PDE10A: variants seen among roughly 807,000 people sequenced by gnomAD.
PDE10A encodes phosphodiesterase 10A, also known as cAMP and cAMP-inhibited cGMP 3',5'-cyclic phosphodiesterase 10A.
In PDE10A, 39 loss-of-function variants were observed where a neutral mutation model predicts 97.7. The ratio of observed to expected loss-of-function variants is 0.40; its 90% CI spans 0.31 to 0.52. The LOEUF is 0.52. PDE10A is among the 20% of genes least tolerant of loss of function. PDE10A has a pLI of 0.56. For synonymous variants in PDE10A, 371 were observed against 376.8 expected, an observed-to-expected ratio of 0.98 and a Z score of 0.18; for missense variants, 731 against 1,047.8, an observed-to-expected ratio of 0.70 and a Z score of 4.17.
chr6:165,916,630 C>T (rs767150059), intron 1 of PDE10A, among the ~76,000 whole-genome samples: 2 of 152,198 alleles, frequency 1.3e-5, no homozygotes, highest in East Asian at 3.8e-4. Flanking sequence ...GAGCCAGCTC[C>T]ACATGCATAC....
chr6:165,853,523 T>C (rs1251415037), intron 1 of PDE10A, among the ~76,000 whole-genome samples: 1 of 152,210 alleles, frequency 6.6e-6, no homozygotes, highest in Non-Finnish European at 1.5e-5. Flanking sequence ...CCATTCAGGA[T>C]ATTATTTTGT....
At chr6:165,672,976 G>T (rs939528087) in intron 1 of PDE10A, among the ~76,000 whole-genome samples, 1 of 152,104 alleles carries the variant, frequency 6.6e-6, no homozygotes, top group South Asian at 2.1e-4. Context: ...AGTCCTTTTT[G>T]GTTGTAAATG....
chr6:165,612,850 C>T (rs1244740179), intron 1 of PDE10A, among the ~76,000 whole-genome samples: 1 of 152,142 alleles, frequency 6.6e-6, no homozygotes, highest in East Asian at 1.9e-4. Context: ...ATCAACACAC[C>T]AAAAACCAAA....
chr6:165,459,476 T>A (rs532657249), intron 3 of PDE10A, among the ~76,000 whole-genome samples: 1 of 151,860 alleles, frequency 6.6e-6, no homozygotes, highest in African/African-American at 2.4e-5. Context: ...CTGCTGTCAA[T>A]GCTTCTAATG....
chr6:165,885,128 A>G (rs1473500404), intron 1 of PDE10A, among the ~76,000 whole-genome samples: 1 of 152,166 alleles, frequency 6.6e-6, no homozygotes, highest in Non-Finnish European at 1.5e-5. Flanking sequence ...CAGACTCACA[A>G]AGATTCCAGA....
At chr6:165,830,295 C>G (rs1779874210) in intron 1 of PDE10A, among the ~76,000 whole-genome samples, 1 of 152,232 alleles carries the variant, frequency 6.6e-6, no homozygotes, top group African/African-American at 2.4e-5. Flanking sequence ...CAGCTACCAC[C>G]CACCGCTTTC....
chr6:165,764,719 A>G (rs1017817725), intron 1 of PDE10A, among the ~76,000 whole-genome samples: 2 of 152,100 alleles, frequency 1.3e-5, no homozygotes, highest in Non-Finnish European at 2.9e-5. Flanking sequence ...CTTCCCGGTG[A>G]GTGTTACAGC....
chr6:165,953,498 G>A (rs1784034811), intron 1 of PDE10A, among the ~76,000 whole-genome samples: 1 of 152,012 alleles, frequency 6.6e-6, no homozygotes, highest in Admixed American at 6.6e-5. Context: ...AGCTGAGGCA[G>A]GAGAATTGCT....
Position 165,557,078 on chromosome 6 carries a change from G to A in PDE10A, c.866-13510C>T, listed in dbSNP as rs139366204. Among the ~76,000 whole-genome samples the A allele has an allele frequency of 3.2e-3, 481 of 152,270 alleles. 3 individuals are homozygous for A. The highest frequency in any genetic ancestry group is 8.6e-3 in the Admixed American group (132 of 15,300). ...CGCTTGAACCCAGGAGACGGAGGTT[G>A]CAGTGAGTCGAGGTCGTGCCACTGC... On this transcript the variant is annotated intron_variant, in intron 1 of 21. Coordinates refer to ENST00000539869, the MANE Select transcript of PDE10A (RefSeq NM_001385079.1).
At position 165,921,122 on chromosome 6, in the gene PDE10A, C is replaced by T. The variant is rs376095465; in HGVS notation, c.-615+66407G>A. On this transcript the variant is annotated intron_variant, in intron 1 of 19. Transcript: ENST00000366882. ...CTTTCAGATCTATGTACCAAAGCAG[C>T]GTGGGATTACGAATTTCCCCAGTGC... 3.9e-5 allele frequency among the ~76,000 whole-genome samples: 6 copies of T among 152,298 alleles called. No individual in the cohort carries two copies. The South Asian group carries it at 6.2e-4, about 16-fold the overall frequency.
chr6:165,625,746 C>T lies in PDE10A; in HGVS notation c.865+36201G>A, dbSNP rs1286561996. 3.3e-5 allele frequency among the ~76,000 whole-genome samples: 5 copies of T among 152,186 alleles called. No individual in the cohort carries two copies. The South Asian group carries it at 6.2e-4, about 19-fold the overall frequency. On this transcript the variant is annotated intron_variant, in intron 1 of 21. Coordinates refer to ENST00000539869, the MANE Select transcript of PDE10A (RefSeq NM_001385079.1). ...GCTGCCATGTAAGAAGTGCCTTTCA[C>T]CTTCTGCCATGATTGTGAGGCCTCC...
intron 1 of PDE10A, among the ~76,000 whole-genome samples, chr6:165,707,748 A>T (rs1791754239): frequency 6.6e-6 from 1 of 151,704 alleles, no homozygotes; most frequent in South Asian, 2.1e-4. Flanking sequence ...TGTGTGTGGG[A>T]GACTGAGTGT....
At chr6:165,505,218 A>G (rs143997237) in intron 2 of PDE10A, among the ~76,000 whole-genome samples, 381 of 152,324 alleles carry the variant, frequency 2.5e-3, no homozygotes, top group Non-Finnish European at 4.8e-3. Context: ...ATTAGTAAAA[A>G]TTTACTTTAA....
chr6:165,427,701 C>G (rs950835016), intron 10 of PDE10A, among the ~76,000 whole-genome samples: 3 of 152,064 alleles, frequency 2.0e-5, no homozygotes, highest in African/African-American at 7.2e-5. Context: ...ATACAAAGAA[C>G]GAGCAGTAAG....
At chr6:165,673,859 G>A (rs1332512081) in intron 1 of PDE10A, among the ~76,000 whole-genome samples, 3 of 152,054 alleles carry the variant, frequency 2.0e-5, no homozygotes, top group East Asian at 1.9e-4. Flanking sequence ...TTTGATCCAC[G>A]GGTTATATAG....
chr6:165,816,202 G>A (rs897237582), intron 1 of PDE10A, among the ~76,000 whole-genome samples: 1 of 152,122 alleles, frequency 6.6e-6, no homozygotes, highest in Non-Finnish European at 1.5e-5. Flanking sequence ...GCCCGCCTTG[G>A]CCTCCCAAAG....
At position 165,935,257 on chromosome 6, in the gene PDE10A, G is replaced by A. The variant is rs4709996; in HGVS notation, c.-615+52272C>T. 9.3e-3 allele frequency among the ~76,000 whole-genome samples: 1,422 copies of A among 152,272 alleles called. 74 individuals are homozygous for A. The highest frequency in any genetic ancestry group is 0.084 in the Admixed American group (1,291 of 15,290). Reference sequence around the variant, plus strand: ...GAAGAATGAGAAGACTCTAAATAGCGTAGGAAAGAAAAATAGAAGTAGGAC... The same window carrying A: ...GAAGAATGAGAAGACTCTAAATAGCATAGGAAAGAAAAATAGAAGTAGGAC... On this transcript the variant is annotated intron_variant, in intron 1 of 19. Transcript: ENST00000366882.
chr6:165,614,049 C>A (rs1787616409), intron 1 of PDE10A, among the ~76,000 whole-genome samples: 1 of 152,180 alleles, frequency 6.6e-6, no homozygotes, highest in South Asian at 2.1e-4. Flanking sequence ...CCATTAAGCA[C>A]CAAGTTGTGC....
intron 1 of PDE10A, among the ~76,000 whole-genome samples, chr6:165,722,421 A>G (rs774384345): frequency 6.6e-6 from 1 of 152,248 alleles, no homozygotes; most frequent in African/African-American, 2.4e-5. Context: ...AAGACATCCA[A>G]CGGATGCCTG....
Sources: allele counts gnomAD v4.1 joint callset (sites outside exome capture counted in the v4.1 genomes callset), GRCh38; gene constraint gnomAD v4.1.1; transcripts MANE v1.5; gene names NCBI Gene and HGNC (gene_info 2026-07-23, HGNC 2026-07-21).